Variants in CD6 observed in about 807,000 individuals in gnomAD.
CD6 encodes CD6 molecule.
A neutral mutation model predicts 75.3 loss-of-function variants in CD6; 53 were observed. The observed-to-expected ratio is 0.70, with a 90% CI of 0.56 to 0.88. The LOEUF (loss-of-function observed/expected upper bound fraction) is 0.88. Ranked by LOEUF, CD6 falls within the 40% of genes least tolerant of loss-of-function variation. CD6 has a pLI of 0.00. For missense variants in CD6, 770 were observed against 897.1 expected, an observed-to-expected ratio of 0.86 and a Z score of 1.81; for synonymous variants, 359 against 381.5, an observed-to-expected ratio of 0.94 and a Z score of 0.69.
chr11:60,988,891 G>A (rs1013491920), intron 1 of CD6, among the ~76,000 whole-genome samples: 5 of 152,196 alleles, frequency 3.3e-5, no homozygotes, highest in Admixed American at 6.5e-5. Context: ...ATCGCTGAGA[G>A]CTCAGCAGTT....
intron 11 of CD6, 63 bp downstream of exon 11, chr11:61,018,076 T>C: frequency 6.3e-7 from 1 of 1,576,300 alleles, no homozygotes; most frequent in Non-Finnish European, 8.6e-7. Context: ...GGCATAAAGC[T>C]GGGAGCCCTG....
intron 1 of CD6, among the ~76,000 whole-genome samples, chr11:61,001,712 G>A (rs961459054): frequency 2.6e-5 from 4 of 152,038 alleles, no homozygotes; most frequent in African/African-American, 9.7e-5. Context: ...TTCATTGCTT[G>A]CTTTTCCTCC....
chr11:61,002,865 C>T (rs1016188541), intron 1 of CD6, among the ~76,000 whole-genome samples: 4 of 152,196 alleles, frequency 2.6e-5, no homozygotes, highest in South Asian at 2.1e-4. Flanking sequence ...CTCACTTTTA[C>T]GACAAAACCA....
chr11:61,008,389 G>A, intron 3 of CD6, 145 bp from the exon 4 acceptor site: 1 of 771,794 alleles, frequency 1.3e-6, no homozygotes, highest in Non-Finnish European at 2.0e-6. Flanking sequence ...GCAGTCCTGG[G>A]GGGATTCCCA....
In CD6 at chr11:61,007,754, C is replaced by T. The variant is rs1257239446; in HGVS notation, c.313C>T (p.Pro105Ser). ...GCTCGCCCCGCCGACCCCTGAGCTG[C>T]CGCCCCCGCCTGCAGCCGGGAACAC... ...SQLAPPTPEL[P>S]PPPAAGNTSV... The change falls in exon 3 of 13, where the codon CCG becomes TCG. Residue 105 changes from proline (P) to serine (S), a missense_variant. Physicochemically the swap from Pro to Ser is moderately conservative, Grantham distance 74 (BLOSUM62 -1). Transcript: ENST00000313421. This position sits in a 1 kb window ranked among gnomAD's most constrained non-coding sequence, Gnocchi z 4.2. The T allele has an allele frequency of 3.4e-6, 5 of 1,449,318 alleles. No homozygotes were observed. In the Admixed American group the frequency reaches 7.9e-5, roughly 23 times the overall value. 89.8% of individuals were successfully genotyped at this position (1,449,318 alleles called of 1,614,324 possible). A position where few individuals can be genotyped will look rare whatever the true frequency, so the allele number is the denominator to read the frequency against.
Position 61,019,316 on chromosome 11 carries a change from T to G in CD6, c.2005T>G (p.Ter669GluextTer36). The part of the protein sequence containing the change: ...NDDYDDISAA[*>E] ...TGACTACGATGACATCAGCGCAGCC[T>G]AGGCCGGGGCCAGCCGAGGCTCCTG... Residue 669 changes from the stop codon to glutamate (E), a stop_lost, in exon 13 of 13, where the codon TAG (stop) becomes GAG (glutamate). Transcript: ENST00000313421. 1.2e-6 allele frequency: 2 copies of G among 1,607,332 alleles called. No homozygotes were observed. The highest frequency in any genetic ancestry group is 1.7e-6 in the Non-Finnish European group (2 of 1,179,560).
Position 61,008,540 on chromosome 11 carries a change from G to A in CD6, c.476G>A (p.Arg159His). The A allele has an allele frequency of 3.1e-6, 5 of 1,596,922 alleles. No individual in the cohort carries two copies. The South Asian group carries it at 4.5e-5, about 14-fold the overall frequency. The change falls in exon 4 of 13, where the codon CGC becomes CAC. Residue 159 changes from arginine to histidine, a missense_variant. Arg to His is a conservative substitution (Grantham distance 29). Coordinates refer to ENST00000313421, the MANE Select transcript of CD6 (RefSeq NM_006725.5). ...RRARVTCAEN[R>H]ALRLVDGGGA... is the part of the protein sequence containing the mutation. ...AACCCCCTCCCACCCCTAGAGAACC[G>A]CGCGCTGCGCCTGGTGGACGGTGGC...
At chr11:60,989,969 T>A (rs1054738399) in intron 1 of CD6, among the ~76,000 whole-genome samples, 18 of 152,188 alleles carry the variant, frequency 1.2e-4, no homozygotes, top group African/African-American at 4.3e-4. Context: ...CTCGGACAAT[T>A]TACAAAGGTT....
At position 61,019,999 on chromosome 11, in the gene CD6, G is replaced by C. The variant is rs1193657185; in HGVS notation, c.*681G>C. On this transcript the variant is annotated 3_prime_UTR_variant, in exon 13 of 13. Coordinates refer to ENST00000313421, the MANE Select transcript of CD6 (RefSeq NM_006725.5). The stretch of plus-strand genomic sequence containing the variant: ...CAGTCCTGCCCCAGAGACACTCCAA[G>C]TCCGCCAGGGGCACAGACCAGTTCT... 1 of 397,078 alleles carries C rather than the reference G, an allele frequency of 2.5e-6. No homozygotes were observed. Among genetic ancestry groups the C allele is most frequent in the East Asian group, 3.6e-5 (1 of 28,028 alleles). The allele number at this position is 397,078 out of a possible 1,614,324, so 24.6% of individuals were successfully genotyped here. A position where few individuals can be genotyped will look rare whatever the true frequency, so the allele number is the denominator to read the frequency against.
rs1265786289 is a variant in CD6 at position 61,019,747 on chromosome 11, T to G, written c.*429T>G. On this transcript the variant is annotated 3_prime_UTR_variant, in exon 13 of 13. Coordinates refer to ENST00000313421, the MANE Select transcript of CD6 (RefSeq NM_006725.5). ...CCAGAGGTCCTGCGAGGGGCAGAAC[T>G]GGACCCCCATGCCAGTGCTGCTGCA... 1 of 169,734 alleles carries G rather than the reference T, an allele frequency of 5.9e-6. No individual in the cohort carries two copies. The highest frequency in any genetic ancestry group is 1.3e-5 in the Non-Finnish European group (1 of 79,874). 10.5% of individuals were successfully genotyped at this position (169,734 alleles called of 1,614,324 possible).
intron 1 of CD6, 92 bp downstream of exon 1, chr11:60,972,006 CT>C: frequency 7.5e-7 from 1 of 1,330,284 alleles, no homozygotes. Context: ...CTTGTGGTCA[CT>C]TTTCTAGGAT....
intron 1 of CD6, among the ~76,000 whole-genome samples, chr11:61,005,695 G>T (rs1299498261): frequency 6.6e-6 from 1 of 152,208 alleles, no homozygotes; most frequent in Non-Finnish European, 1.5e-5. Context: ...ACTTTGGGAG[G>T]CTGAGGCAGG....
At chr11:60,976,085 G>A (rs1191706023) in intron 1 of CD6, among the ~76,000 whole-genome samples, 2 of 152,186 alleles carry the variant, frequency 1.3e-5, no homozygotes, top group Admixed American at 6.5e-5. Flanking sequence ...ATATTACGTA[G>A]TGGTGAAGTC....
intron 11 of CD6, 107 bp from the exon 12 acceptor site, chr11:61,018,182 G>A: frequency 7.7e-7 from 1 of 1,296,194 alleles, no homozygotes; most frequent in Non-Finnish European, 1.1e-6. Flanking sequence ...TTTGTCATTT[G>A]CCAAGCTAGG....
Position 61,013,582 on chromosome 11 carries a change from G to A in CD6, c.1291+19G>A, listed in dbSNP as rs1459531891. On this transcript the variant is annotated intron_variant, in intron 7 of 12. Transcript: ENST00000313421. ...AAATATGGTAAGTGCAAGGTTCTGG[G>A]AGCCATGGCCATCCCAGGGGGATGT... 3.1e-6 allele frequency: 5 copies of A among 1,613,048 alleles called. No homozygotes were observed. The highest frequency in any genetic ancestry group is 4.2e-6 in the Non-Finnish European group (5 of 1,179,624).
chr11:60,984,227 GC>G (rs1384094803), intron 1 of CD6, among the ~76,000 whole-genome samples: 2 of 152,078 alleles, frequency 1.3e-5, no homozygotes, highest in Non-Finnish European at 2.9e-5. Flanking sequence ...GTTGATTCTT[GC>G]CGGAATCAGT....
chr11:61,014,040 G>A (rs1405311903), intron 8 of CD6, 26 bp downstream of exon 8: 2 of 1,534,208 alleles, frequency 1.3e-6, no homozygotes, highest in East Asian at 4.5e-5. Flanking sequence ...TCCTGGGTGT[G>A]GGAGGGCTGG....
chr11:61,005,221 G>C (rs926182158), intron 1 of CD6, among the ~76,000 whole-genome samples: 4 of 152,228 alleles, frequency 2.6e-5, no homozygotes, highest in African/African-American at 9.6e-5. Context: ...GCAGTAAGTA[G>C]AATCTAAGAG....
At chr11:60,986,182 G>A (rs1374192882) in intron 1 of CD6, among the ~76,000 whole-genome samples, 3 of 152,288 alleles carry the variant, frequency 2.0e-5, no homozygotes, top group East Asian at 3.9e-4. Flanking sequence ...TTGTAAAAAC[G>A]TTATAACAAC....
Sources: gnomAD v4.1 joint callset for allele counts (sites outside exome capture counted in the v4.1 genomes callset) on GRCh38, gnomAD v4.1.1 for gene constraint, Gnocchi (gnomAD v3.1) non-coding constraint, MANE v1.5 for transcripts, NCBI Gene and HGNC (gene_info 2026-07-23, HGNC 2026-07-21) for gene names.